The following AMD1 variants were observed in gnomAD, a reference collection of about 807,000 sequenced individuals.
The protein encoded by AMD1 is S-adenosylmethionine decarboxylase proenzyme.
AMD1 carries 11 observed loss-of-function variants against 40.2 expected under a neutral mutation model. The observed-to-expected ratio is 0.27, with a 90% CI of 0.17 to 0.45. AMD1 has a LOEUF of 0.45. AMD1 is among the 20% of genes least tolerant of loss of function. The pLI is 1.00. For synonymous variants in AMD1, 121 were observed against 130.8 expected (o/e 0.93, Z 0.51); for missense variants, 257 against 410.2 (o/e 0.63, Z 3.23).
the AMD1 span, among the ~76,000 whole-genome samples, chr6:110,827,308 T>C: frequency 6.6e-6 from 1 of 152,094 alleles, no homozygotes; most frequent in South Asian, 2.1e-4. Context: ...TTTTCAGTTT[T>C]TTTTGTTTGT....
At chr6:110,838,224 A>T in the AMD1 span, among the ~76,000 whole-genome samples, 1 of 151,308 alleles carries the variant, frequency 6.6e-6, no homozygotes, top group Non-Finnish European at 1.5e-5. Context: ...CCCTGCCTCT[A>T]CTAAAAGTAC....
the AMD1 span, among the ~76,000 whole-genome samples, chr6:110,835,255 T>C: frequency 2.0e-5 from 3 of 151,280 alleles, no homozygotes; most frequent in Non-Finnish European, 4.4e-5. Context: ...CCTGACCTCG[T>C]GATCCGCCCG....
At chr6:110,857,772 A>T in the AMD1 span, among the ~76,000 whole-genome samples, 1 of 140,800 alleles carries the variant, frequency 7.1e-6, no homozygotes, top group East Asian at 2.0e-4. Flanking sequence ...GATGGTGTGT[A>T]TATATATATA....
the AMD1 span, chr6:110,859,019 G>T: frequency 4.1e-6 from 5 of 1,207,266 alleles, no homozygotes. Context: ...TCTTTGGCCT[G>T]GGCCGGCAGA....
intron 1 of AMD1, among the ~76,000 whole-genome samples, chr6:110,877,872 T>A (rs186602184): frequency 6.4e-4 from 98 of 152,242 alleles, no homozygotes; most frequent in African/African-American, 2.2e-3. Flanking sequence ...ACAAATCTGT[T>A]TATAAAGCAT....
the AMD1 span, among the ~76,000 whole-genome samples, chr6:110,861,367 A>ATAAT: frequency 6.6e-6 from 1 of 150,922 alleles, no homozygotes; most frequent in African/African-American, 2.4e-5. Flanking sequence ...CAAAAAAAAA[A>ATAAT]AAAAAAATTA....
chr6:110,855,086 T>G, the AMD1 span, among the ~76,000 whole-genome samples: 1 of 147,810 alleles, frequency 6.8e-6, no homozygotes, highest in Non-Finnish European at 1.5e-5. Context: ...TTTTTTTTTT[T>G]TTTGAGAGAA....
the AMD1 span, among the ~76,000 whole-genome samples, chr6:110,818,192 T>C: frequency 6.6e-6 from 1 of 152,160 alleles, no homozygotes; most frequent in South Asian, 2.1e-4. Flanking sequence ...GAGAGTTTAT[T>C]TGAGCCAAGC....
At chr6:110,819,466 TA>T in the AMD1 span, among the ~76,000 whole-genome samples, 1 of 152,118 alleles carries the variant, frequency 6.6e-6, no homozygotes, top group Non-Finnish European at 1.5e-5. Flanking sequence ...CAAGACTTAG[TA>T]ATTAATTAAA....
the AMD1 span, among the ~76,000 whole-genome samples, chr6:110,850,358 A>G: frequency 2.6e-5 from 4 of 152,176 alleles, no homozygotes; most frequent in Non-Finnish European, 5.9e-5. Context: ...TGGGAATCTT[A>G]TACCCCCAAA....
At chr6:110,880,924 G>A (rs528796545) in intron 1 of AMD1, among the ~76,000 whole-genome samples, 4 of 152,168 alleles carry the variant, frequency 2.6e-5, no homozygotes, top group South Asian at 4.2e-4. Flanking sequence ...CGCCTGCCTC[G>A]GGCTCCCAAA....
chr6:110,848,833 T>C, the AMD1 span, among the ~76,000 whole-genome samples: 1 of 152,080 alleles, frequency 6.6e-6, no homozygotes, highest in Admixed American at 6.6e-5. Flanking sequence ...AACAAACACC[T>C]CATCTCCACA....
At chr6:110,866,325 T>C in the AMD1 span, among the ~76,000 whole-genome samples, 10 of 152,318 alleles carry the variant, frequency 6.6e-5, no homozygotes, top group South Asian at 1.9e-3. Flanking sequence ...TTTTATACAC[T>C]GTAGGGATCA....
chr6:110,858,283 A>G, the AMD1 span: 1 of 911,636 alleles, frequency 1.1e-6, no homozygotes, highest in Non-Finnish European at 1.7e-6. Context: ...ACGGGCTGTC[A>G]GCCGAGATCA....
the AMD1 span, among the ~76,000 whole-genome samples, chr6:110,834,382 A>T: frequency 6.6e-6 from 1 of 152,122 alleles, no homozygotes; most frequent in Non-Finnish European, 1.5e-5. Flanking sequence ...TATGAAAATA[A>T]TTGTGCTTTC....
intron 8 of AMD1, 137 bp from the exon 9 acceptor site, chr6:110,893,339 T>C (rs565006331): frequency 1.2e-4 from 145 of 1,241,880 alleles, no homozygotes; most frequent in South Asian, 6.3e-4. Flanking sequence ...CCCTGGCCCC[T>C]CCAGCACATA....
At chr6:110,819,664 G>C in the AMD1 span, among the ~76,000 whole-genome samples, 13 of 152,170 alleles carry the variant, frequency 8.5e-5, no homozygotes, top group Non-Finnish European at 1.9e-4. Flanking sequence ...ATAACTGTCA[G>C]GCATTTGAAC....
chr6:110,858,565 C>T, the AMD1 span: 3 of 1,600,154 alleles, frequency 1.9e-6, no homozygotes, highest in South Asian at 1.1e-5. Flanking sequence ...TCGATGCCAA[C>T]GACCTGTTTG....
chr6:110,891,949 G>T, intron 4 of AMD1: 1 of 595,438 alleles, frequency 1.7e-6, no homozygotes, highest in Middle Eastern at 4.6e-4. Flanking sequence ...CATCATGTTG[G>T]CCAGGCTCGA....
Sources: allele counts gnomAD v4.1 joint callset (sites outside exome capture counted in the v4.1 genomes callset), GRCh38; gene constraint gnomAD v4.1.1; transcripts MANE v1.5; gene names NCBI Gene and HGNC (gene_info 2026-07-23, HGNC 2026-07-21).